AFF2: variants seen among roughly 807,000 people sequenced by gnomAD.
AFF2 encodes AF4/FMR2 family member 2.
Under a neutral mutation model 76.9 loss-of-function variants are expected in AFF2, and 14 were observed. That is an observed-to-expected ratio of 0.18 (90% CI 0.12 to 0.28). AFF2 has a LOEUF of 0.28. Among genes scored for constraint, AFF2 ranks in the 10% least tolerant of loss-of-function variants. AFF2 has a pLI of 1.00. For missense variants in AFF2, 868 were observed against 1,001.1 expected, an observed-to-expected ratio of 0.87 and a Z score of 1.79; for synonymous variants, 398 against 366.7, an observed-to-expected ratio of 1.09 and a Z score of -0.98.
chrX:148,979,516 T>G (rs2072367296), intron 18 of AFF2, among the ~76,000 whole-genome samples: 1 of 111,923 alleles, frequency 8.9e-6, no homozygotes, highest in South Asian at 3.8e-4. Flanking sequence ...AGAGGGCTTG[T>G]GAAACAAGAA....
At chrX:148,953,263 T>C (rs910960090) in intron 9 of AFF2, among the ~76,000 whole-genome samples, 2 of 112,021 alleles carry the variant, frequency 1.8e-5, no homozygotes, top group African/African-American at 3.2e-5. Context: ...ACTACATCTA[T>C]ATCTGCATCC....
At chrX:148,535,577 C>A (rs1410265138) in intron 1 of AFF2, among the ~76,000 whole-genome samples, 2 of 112,650 alleles carry the variant, frequency 1.8e-5, no homozygotes, top group African/African-American at 6.4e-5. Flanking sequence ...CATTCAGGCC[C>A]TGTGCCGGGC....
chrX:148,717,016 TTAAAGA>T lies in AFF2; in HGVS notation c.1041+54257_1041+54262del, dbSNP rs781862600. Among the ~76,000 whole-genome samples, 136 of 112,099 alleles carry T rather than the reference TTAAAGA, an allele frequency of 1.2e-3. 1 individual carries two copies. The highest frequency in any genetic ancestry group is 4.0e-3 in the African/African-American group (123 of 30,899). ...AACAGTCTGGCAATTCTGCAAAAAG[TTAAAGA>T]TAAAGATATCATATAACTCAACAGT... On this transcript the variant is annotated intron_variant, in intron 3 of 20. Transcript: ENST00000370460.
Position 148,501,027 on chromosome X carries a change from C to T in AFF2, c.-71C>T. ...GGGGCCGCCGAGAACCGCCAGCGAG[C>T]TGTGCCGAGAGCCGCGCCGACCCGC... is the stretch of plus-strand genomic sequence containing the variant. On this transcript the variant is annotated 5_prime_UTR_variant, in exon 1 of 21. Coordinates refer to ENST00000370460, the MANE Select transcript of AFF2 (RefSeq NM_002025.4). 1.7e-6 allele frequency: 2 copies of T among 1,164,990 alleles called. No individual in the cohort carries two copies. Among genetic ancestry groups the T allele is most frequent in the Non-Finnish European group, 2.3e-6 (2 of 866,052 alleles).
Position 148,998,490 on chromosome X carries a change from A to G in AFF2, c.*7158A>G, listed in dbSNP as rs1346799136. On this transcript the variant is annotated 3_prime_UTR_variant, in exon 21 of 21. Transcript: ENST00000370460. ...TAATATAACTGCATTATTACATGGC[A>G]GTATAAATATTAGTCTGTTGAATTC... is the stretch of plus-strand genomic sequence containing the variant. The G allele has an allele frequency of 8.9e-6, 1 of 112,705 alleles. No individual in the cohort carries two copies. Among genetic ancestry groups the G allele is most frequent in the African/African-American group, 3.2e-5 (1 of 30,921 alleles). 9.3% of individuals were successfully genotyped at this position (112,705 alleles called of 1,213,427 possible).
At chrX:148,753,786 A>G (rs1557266680) in intron 3 of AFF2, among the ~76,000 whole-genome samples, 1 of 111,440 alleles carries the variant, frequency 9.0e-6, no homozygotes, top group African/African-American at 3.3e-5. Flanking sequence ...TCCGTAGACC[A>G]CTGACAAAAA....
intron 3 of AFF2, among the ~76,000 whole-genome samples, chrX:148,677,822 G>A (rs2054502245): frequency 8.9e-6 from 1 of 111,817 alleles, no homozygotes; most frequent in South Asian, 3.7e-4. Context: ...TTTGATTTTG[G>A]TGGAGTTGGT....
At chrX:148,721,968 T>G (rs2055098673) in intron 3 of AFF2, among the ~76,000 whole-genome samples, 1 of 111,861 alleles carries the variant, frequency 8.9e-6, no homozygotes, top group Non-Finnish European at 1.9e-5. Context: ...CACCCTACTC[T>G]AGTAACTGTT....
intron 8 of AFF2, among the ~76,000 whole-genome samples, chrX:148,888,800 G>A (rs782172058): frequency 9.0e-6 from 1 of 111,257 alleles, no homozygotes; most frequent in East Asian, 2.8e-4. Context: ...TGGGCCTCCT[G>A]GCTGAGCAAA....
Position 148,568,578 on chromosome X carries a change from C to T in AFF2, c.47+67434C>T, listed in dbSNP as rs782333844. Among the ~76,000 whole-genome samples, 9 of 111,888 alleles carry T rather than the reference C, an allele frequency of 8.0e-5. No individual in the cohort carries two copies. The South Asian group carries it at 3.0e-3, about 37-fold the overall frequency. On this transcript the variant is annotated intron_variant, in intron 1 of 20. Transcript: ENST00000370460. ...ATGCATTTTGCTTCAACCTGACATG[C>T]CCCAGAAGGTAAGAGAAATATCTGG...
chrX:148,833,144 C>G (rs917949757), intron 4 of AFF2, among the ~76,000 whole-genome samples: 1 of 111,464 alleles, frequency 9.0e-6, no homozygotes, highest in African/African-American at 3.3e-5. Context: ...TGTTCAAAAA[C>G]ACTGCTCCTC....
intron 3 of AFF2, among the ~76,000 whole-genome samples, chrX:148,687,909 A>G (rs1428974441): frequency 1.8e-5 from 2 of 110,630 alleles, no homozygotes; most frequent in Non-Finnish European, 3.8e-5. Flanking sequence ...AGATATGTAT[A>G]TGCAGCTGCC....
intron 3 of AFF2, among the ~76,000 whole-genome samples, chrX:148,801,005 G>A (rs1470647456): frequency 8.9e-6 from 1 of 111,763 alleles, no homozygotes; most frequent in African/African-American, 3.2e-5. Context: ...CATTCAGTTA[G>A]GCCCAGGGGA....
chrX:148,679,419 AATAAG>A lies in AFF2; in HGVS notation c.1041+16652_1041+16656del, dbSNP rs782068557. The stretch of plus-strand genomic sequence containing the variant: ...TAACAGTGCCGTGCTTCCTGTTTTG[AATAAG>A]CCATTATGCATTTTTGTCTTTGCAT... On this transcript the variant is annotated intron_variant, in intron 3 of 20. Transcript: ENST00000370460. Among the ~76,000 whole-genome samples the A allele has an allele frequency of 1.8e-4, 20 of 110,362 alleles. No individual in the cohort carries two copies. The Admixed American group carries it at 2.0e-3, about 11-fold the overall frequency.
At chrX:148,523,523 T>C (rs1557234786) in intron 1 of AFF2, among the ~76,000 whole-genome samples, 1 of 112,233 alleles carries the variant, frequency 8.9e-6, no homozygotes, top group African/African-American at 3.2e-5. Context: ...ACTTCAATTA[T>C]ATACCGTGTT....
chrX:148,810,495 G>T (rs192884272), intron 4 of AFF2, among the ~76,000 whole-genome samples: 1 of 112,498 alleles, frequency 8.9e-6, no homozygotes, highest in East Asian at 2.8e-4. Flanking sequence ...ACCAAAAGAA[G>T]AAACCAAAGT....
rs782175109 is a variant in AFF2, at chrX:148,662,421, G to C, written c.694G>C (p.Glu232Gln). 1 of 1,212,019 alleles carries C rather than the reference G, an allele frequency of 8.3e-7. No individual in the cohort carries two copies. Among genetic ancestry groups the C allele is most frequent in the Non-Finnish European group, 1.1e-6 (1 of 895,570 alleles). The change falls in exon 3 of 21, where the codon GAA (glutamate) becomes CAA (glutamine). Residue 232 changes from glutamate to glutamine, a missense_variant. Around this residue, in one of 6 missense-constraint regions of AFF2, gnomAD observed 196 missense variants for 194.8 expected, o/e 1.01. Transcript: ENST00000370460. ...PNSSGEDAFK[E>Q]IFQSNSPEES... is the part of the protein sequence containing the mutation. ...TTCTAGTGGAGAAGATGCTTTCAAA[G>C]AAATCTTTCAATCCAATTCACCGGA... is the stretch of plus-strand genomic sequence containing the variant.
rs192776397 is a variant in AFF2 at position 148,924,508 on chromosome X, A to G, written c.1397+20250A>G. Reference sequence around the variant, plus strand: ...ATTATGAAAAATGGAGATAACTTGGACAATTAGTATCTCTTCCAAGGAAAA... The same window carrying G: ...ATTATGAAAAATGGAGATAACTTGGGCAATTAGTATCTCTTCCAAGGAAAA... On this transcript the variant is annotated intron_variant, in intron 9 of 20. Coordinates refer to ENST00000370460, the MANE Select transcript of AFF2 (RefSeq NM_002025.4). Among the ~76,000 whole-genome samples the G allele has an allele frequency of 7.1e-5, 8 of 112,384 alleles. No homozygotes were observed. The East Asian group carries it at 2.2e-3, about 32-fold the overall frequency.
intron 1 of AFF2, among the ~76,000 whole-genome samples, chrX:148,550,143 T>G (rs782154507): frequency 3.5e-4 from 39 of 112,177 alleles, no homozygotes; most frequent in Non-Finnish European, 6.9e-4. Context: ...AATTGGATAT[T>G]AACTCAGGAA....
Sources: allele counts gnomAD v4.1 joint callset (sites outside exome capture counted in the v4.1 genomes callset), GRCh38; gene constraint gnomAD v4.1.1; regional missense constraint gnomAD v4.1.1; transcripts MANE v1.5; gene names NCBI Gene and HGNC (gene_info 2026-07-23, HGNC 2026-07-21).